Variants in TMTC4 observed in about 807,000 individuals in gnomAD.
TMTC4 encodes protein O-mannosyl-transferase TMTC4.
In TMTC4, 65 loss-of-function variants were observed where a neutral mutation model predicts 86.0. The observed-to-expected ratio is 0.76, with a 90% CI of 0.62 to 0.93. The LOEUF (loss-of-function observed/expected upper bound fraction) is 0.93, where lower values mean the gene tolerates loss of function less well. TMTC4 is among the 40% of genes least tolerant of loss of function. The pLI is 0.00. For missense variants in TMTC4, 866 were observed against 948.1 expected (o/e 0.91, Z 1.14); for synonymous variants, 379 against 382.5 (o/e 0.99, Z 0.11).
chr13:100,660,001 G>A (rs919403914), intron 5 of TMTC4, among the ~76,000 whole-genome samples: 1 of 150,698 alleles, frequency 6.6e-6, no homozygotes, highest in East Asian at 2.0e-4. Context: ...GAGTGGTAAA[G>A]ACCTAAAACA....
chr13:100,639,098 C>T (rs1340670297), intron 7 of TMTC4, among the ~76,000 whole-genome samples: 1 of 152,178 alleles, frequency 6.6e-6, no homozygotes, highest in Non-Finnish European at 1.5e-5. Flanking sequence ...AAGCAGTCTG[C>T]ACATACTCAG....
At chr13:100,623,867 A>C (rs768332002) in intron 15 of TMTC4, 1 of 489,482 alleles carries the variant, frequency 2.0e-6, no homozygotes, top group Admixed American at 2.1e-5. Flanking sequence ...TCCTCTTCAC[A>C]GATGCACCCA....
At chr13:100,662,319 T>C (rs898434462) in intron 5 of TMTC4, among the ~76,000 whole-genome samples, 6 of 150,612 alleles carry the variant, frequency 4.0e-5, no homozygotes, top group African/African-American at 1.5e-4. Flanking sequence ...TCCAGTTCAA[T>C]ACCAAGTACA....
intron 12 of TMTC4, among the ~76,000 whole-genome samples, chr13:100,632,053 A>ACACACACACACACACACACACACACTCT (rs1296569630): frequency 4.6e-5 from 2 of 43,108 alleles, no homozygotes; most frequent in African/African-American, 1.7e-4. Context: ...ACACACACAC[A>ACACACACACACACACACACACACACTCT]CTCTCTCTCT....
chr13:100,632,043 ACACACACACACTCTCTCT>A (rs1881467638), intron 12 of TMTC4, among the ~76,000 whole-genome samples: 1 of 67,786 alleles, frequency 1.5e-5, no homozygotes, highest in East Asian at 3.3e-4. Flanking sequence ...ACACACACAC[ACACACACACACTCTCTCT>A]CTCTCTCTCT....
chr13:100,636,892 T>C (rs1051176588), intron 9 of TMTC4, among the ~76,000 whole-genome samples, 158 bp from the exon 10 acceptor site: 18 of 152,344 alleles, frequency 1.2e-4, no homozygotes, highest in African/African-American at 4.1e-4. Context: ...TATGTGACTA[T>C]AGTCTGTAAA....
At chr13:100,606,541 G>T in intron 17 of TMTC4, 114 bp from the exon 18 acceptor site, 1 of 806,822 alleles carries the variant, frequency 1.2e-6, no homozygotes. Context: ...TTGTATCAAT[G>T]CATTCCTCCA....
chr13:100,670,481 G>T lies in TMTC4; in HGVS notation c.-119C>A. 2 of 1,064,532 alleles carry T rather than the reference G, an allele frequency of 1.9e-6. No homozygotes were observed. The highest frequency in any genetic ancestry group is 2.7e-6 in the Non-Finnish European group (2 of 749,528). The allele number at this position is 1,064,532 out of a possible 1,614,324, so 65.9% of individuals were successfully genotyped here. A position where few individuals can be genotyped will look rare whatever the true frequency, so the allele number is the denominator to read the frequency against. On this transcript the variant is annotated 5_prime_UTR_variant, in exon 2 of 19. Coordinates refer to ENST00000342624, the MANE Select transcript of TMTC4 (RefSeq NM_032813.5). ...TCTCGAGCCTCACAGCCTGGCATAC[G>T]GCATGCTCTCAGCAAGTGCTGGGGG...
rs1355758105 is a variant in TMTC4 at position 100,668,743 on chromosome 13, T to C, written c.55A>G (p.Arg19Gly). Residue 19 changes from arginine to glycine, a missense_variant, in exon 3 of 19, where the codon AGA becomes GGA. By Grantham distance (125) the Arg-to-Gly change is moderately radical. Coordinates refer to ENST00000342624, the MANE Select transcript of TMTC4 (RefSeq NM_032813.5). ...AAATCAGTGTCCAACACGGCCATTC[T>C]GAAAACTGCAGGTTGGTGGCTCCCG... is the stretch of plus-strand genomic sequence containing the variant. ...GAGSHQPAVF[R>G]MAVLDTDLDH... 6.2e-7 allele frequency: 1 copy of C among 1,614,112 alleles called. No homozygotes were observed. The highest frequency in any genetic ancestry group is 8.5e-7 in the Non-Finnish European group (1 of 1,180,060).
At chr13:100,612,694 C>CAT (rs1566560727) in intron 16 of TMTC4, among the ~76,000 whole-genome samples, 184 bp from the exon 17 acceptor site, 1 of 143,698 alleles carries the variant, frequency 7.0e-6, no homozygotes, top group Non-Finnish European at 1.5e-5. Flanking sequence ...CACACACACA[C>CAT]GACGTTATCA....
rs770702567 is a variant in TMTC4, at chr13:100,642,201, C to G, written c.741+10G>C. ...GAAAAAGCAGGCCCCAGCCATGTTG[C>G]GGCTCTCACCAGCACAGTGATCCCT... On this transcript the variant is annotated intron_variant, in intron 7 of 18. Coordinates refer to ENST00000342624, the MANE Select transcript of TMTC4 (RefSeq NM_032813.5). 4 of 1,613,476 alleles carry G rather than the reference C, an allele frequency of 2.5e-6. No individual in the cohort carries two copies. The highest frequency in any genetic ancestry group is 2.5e-6 in the Non-Finnish European group (3 of 1,179,642).
At chr13:100,652,276 C>T (rs1884559015) in intron 6 of TMTC4, among the ~76,000 whole-genome samples, 1 of 152,110 alleles carries the variant, frequency 6.6e-6, no homozygotes, top group Non-Finnish European at 1.5e-5. Flanking sequence ...GTCAGGAGTT[C>T]AAGACCAGCC....
At chr13:100,637,215 G>A (rs2138879787) in intron 9 of TMTC4, among the ~76,000 whole-genome samples, 1 of 152,228 alleles carries the variant, frequency 6.6e-6, no homozygotes, top group African/African-American at 2.4e-5. Context: ...CCACCAAGAA[G>A]GTTATATTTA....
chr13:100,662,705 C>A (rs149414306), intron 5 of TMTC4, among the ~76,000 whole-genome samples: 1 of 152,176 alleles, frequency 6.6e-6, no homozygotes, highest in South Asian at 2.1e-4. Context: ...CACCTTATCA[C>A]GCAGTCCCCA....
chr13:100,634,999 A>G, intron 11 of TMTC4, 25 bp downstream of exon 11: 2 of 1,609,146 alleles, frequency 1.2e-6, no homozygotes, highest in Non-Finnish European at 1.7e-6. Flanking sequence ...TCTGTTCATC[A>G]GCTGGCACCA....
intron 3 of TMTC4, among the ~76,000 whole-genome samples, chr13:100,666,471 G>A (rs1468298335): frequency 6.6e-6 from 1 of 152,176 alleles, no homozygotes; most frequent in Non-Finnish European, 1.5e-5. Flanking sequence ...TCACCTCACA[G>A]AAGGAACGAG....
At chr13:100,674,376 G>C in intron 1 of TMTC4, 1 of 966,006 alleles carries the variant, frequency 1.0e-6, no homozygotes, top group Non-Finnish European at 1.2e-6. Context: ...CTCCGGGGAC[G>C]CGCCGCAGGC....
chr13:100,616,847 C>G (rs115764306), intron 15 of TMTC4, among the ~76,000 whole-genome samples: 1 of 152,072 alleles, frequency 6.6e-6, no homozygotes, highest in Non-Finnish European at 1.5e-5. Context: ...ACGCCTTTTG[C>G]CCACTTTTTA....
At chr13:100,636,868 C>CA (rs1882295525) in intron 9 of TMTC4, 134 bp from the exon 10 acceptor site, 1 of 869,342 alleles carries the variant, frequency 1.2e-6, no homozygotes, top group African/African-American at 1.7e-5. Flanking sequence ...AAAATGTTGC[C>CA]AACGTGTATT....
Sources: allele counts gnomAD v4.1 joint callset (sites outside exome capture counted in the v4.1 genomes callset), GRCh38; gene constraint gnomAD v4.1.1; transcripts MANE v1.5; gene names NCBI Gene and HGNC (gene_info 2026-07-23, HGNC 2026-07-21).